EBF2: variants seen among roughly 807,000 people sequenced by gnomAD.
EBF2 encodes the protein EBF transcription factor 2, also known as transcription factor COE2.
In EBF2, 21 loss-of-function variants were observed where a neutral mutation model predicts 72.8. That is an observed-to-expected ratio of 0.29 (90% confidence interval 0.20 to 0.42). The LOEUF (loss-of-function observed/expected upper bound fraction) is 0.42. Among genes scored for constraint, EBF2 ranks in the 10% least tolerant of loss-of-function variants. The pLI is 1.00. For missense variants in EBF2, 637 were observed against 731.2 expected, an observed-to-expected ratio of 0.87 and a Z score of 1.49; for synonymous variants, 299 against 274.2, an observed-to-expected ratio of 1.09 and a Z score of -0.89.
intron 6 of EBF2, among the ~76,000 whole-genome samples, chr8:26,000,481 A>G (rs968720454): frequency 6.6e-6 from 1 of 152,182 alleles, no homozygotes; most frequent in East Asian, 1.9e-4. Flanking sequence ...AAATAAGACA[A>G]ATTCAATAAC....
chr8:25,862,460 A>G (rs920622805), intron 11 of EBF2, among the ~76,000 whole-genome samples: 2 of 152,166 alleles, frequency 1.3e-5, no homozygotes, highest in Non-Finnish European at 2.9e-5. Context: ...AAAGTTGGCC[A>G]TGTTTTTTAA....
At chr8:26,038,870 G>C (rs1313671628) in intron 5 of EBF2, among the ~76,000 whole-genome samples, 4 of 152,188 alleles carry the variant, frequency 2.6e-5, no homozygotes, top group African/African-American at 9.7e-5. Context: ...GTTGGGGAGG[G>C]AGACAGGGCT....
At chr8:25,983,683 C>T (rs911176414) in intron 6 of EBF2, among the ~76,000 whole-genome samples, 4 of 152,208 alleles carry the variant, frequency 2.6e-5, no homozygotes, top group Non-Finnish European at 5.9e-5. Context: ...CTCAGCACAA[C>T]CCCGGGCTCT....
chr8:25,885,106 CT>C (rs1563388396), intron 10 of EBF2, among the ~76,000 whole-genome samples: 1 of 151,896 alleles, frequency 6.6e-6, no homozygotes. Context: ...AACACCATTT[CT>C]TTTTTTGAAG....
chr8:25,860,963 T>A, intron 13 of EBF2, 86 bp downstream of exon 13: 1 of 1,497,812 alleles, frequency 6.7e-7, no homozygotes, highest in Non-Finnish European at 9.3e-7. Context: ...TGTTGGACCA[T>A]TATGACCCAA....
At chr8:25,850,791 G>A in intron 14 of EBF2, 30 bp from the exon 15 acceptor site, 1 of 1,542,712 alleles carries the variant, frequency 6.5e-7, no homozygotes, top group Non-Finnish European at 8.7e-7. Context: ...TCCTCATTTA[G>A]AAATTAAGAT....
intron 10 of EBF2, among the ~76,000 whole-genome samples, chr8:25,868,690 G>A (rs999007883): frequency 2.0e-5 from 3 of 152,142 alleles, no homozygotes; most frequent in Admixed American, 6.6e-5. Context: ...TGCCCAGGCT[G>A]ATCTTGAACT....
At chr8:25,901,421 CAA>C (rs10712723) in intron 7 of EBF2, among the ~76,000 whole-genome samples, 7,329 of 111,034 alleles carry the variant, frequency 0.066, 580 homozygotes, top group African/African-American at 0.22. Context: ...CATCTTGTCT[CAA>C]AAAAAAAAAA....
intron 6 of EBF2, among the ~76,000 whole-genome samples, chr8:25,928,805 G>C (rs1359800401): frequency 6.8e-5 from 6 of 87,814 alleles, no homozygotes; most frequent in Admixed American, 2.1e-4. Flanking sequence ...AAAAAAACCA[G>C]GGAAATGGAG....
intron 10 of EBF2, among the ~76,000 whole-genome samples, chr8:25,865,291 C>T (rs74718921): frequency 0.014 from 2,120 of 152,182 alleles, 110 homozygotes; most frequent in Admixed American, 0.091. Context: ...TTTTTGTTTA[C>T]CATTTTAATT....
chr8:25,889,672 A>C (rs537947754), intron 8 of EBF2, 80 bp downstream of exon 8: 35 of 1,156,792 alleles, frequency 3.0e-5, no homozygotes, highest in Non-Finnish European at 4.3e-5. Context: ...CTCTGACTCC[A>C]AGACATAAAT....
chr8:26,043,218 G>A (rs2117269390), intron 1 of EBF2, among the ~76,000 whole-genome samples: 1 of 152,330 alleles, frequency 6.6e-6, no homozygotes, highest in South Asian at 2.1e-4. Flanking sequence ...CCATTTCACC[G>A]AAGACTTGGG....
intron 10 of EBF2, among the ~76,000 whole-genome samples, chr8:25,870,652 T>A (rs1337521311): frequency 6.6e-6 from 1 of 152,052 alleles, no homozygotes; most frequent in Non-Finnish European, 1.5e-5. Context: ...CCCAACCAGA[T>A]TGCAAACCAC....
chr8:26,012,221 T>C (rs1237565802), intron 6 of EBF2, among the ~76,000 whole-genome samples: 1 of 152,122 alleles, frequency 6.6e-6, no homozygotes, highest in Non-Finnish European at 1.5e-5. Flanking sequence ...AAGCCACAGG[T>C]AGAACATACG....
At chr8:25,940,100 A>G (rs1424853984) in intron 6 of EBF2, among the ~76,000 whole-genome samples, 1 of 152,220 alleles carries the variant, frequency 6.6e-6, no homozygotes, top group Non-Finnish European at 1.5e-5. Context: ...GTATTTCACA[A>G]AAACACTTGG....
At chr8:25,921,373 C>A (rs1803303784) in intron 6 of EBF2, among the ~76,000 whole-genome samples, 1 of 151,898 alleles carries the variant, frequency 6.6e-6, no homozygotes, top group Non-Finnish European at 1.5e-5. Context: ...GAAACTGGGA[C>A]AAAAATCAGG....
chr8:25,860,973 A>G, intron 13 of EBF2, 76 bp downstream of exon 13: 1 of 1,552,062 alleles, frequency 6.4e-7, no homozygotes, highest in South Asian at 1.1e-5. Flanking sequence ...TTATGACCCA[A>G]CCTCTGACTC....
intron 6 of EBF2, among the ~76,000 whole-genome samples, chr8:25,926,432 T>C (rs143311050): frequency 2.0e-5 from 3 of 152,190 alleles, no homozygotes; most frequent in East Asian, 3.9e-4. Flanking sequence ...TTAGATGAGA[T>C]GATGATCAAG....
At chr8:26,010,451 C>T (rs1021558220) in intron 6 of EBF2, among the ~76,000 whole-genome samples, 3 of 152,210 alleles carry the variant, frequency 2.0e-5, no homozygotes, top group African/African-American at 4.8e-5. Context: ...GTGCTGGCCT[C>T]CTGCTTAGTG....
Sources: gnomAD v4.1 joint callset for allele counts (sites outside exome capture counted in the v4.1 genomes callset) on GRCh38, gnomAD v4.1.1 for gene constraint, MANE v1.5 for transcripts, NCBI Gene and HGNC (gene_info 2026-07-23, HGNC 2026-07-21) for gene names.